The following AHCYL2 variants were observed in gnomAD, a reference collection of about 807,000 sequenced individuals.
AHCYL2 encodes adenosylhomocysteinase like 2.
In AHCYL2, 28 loss-of-function variants were observed where a neutral mutation model predicts 81.4. The ratio of observed to expected loss-of-function variants is 0.34; its 90% CI spans 0.25 to 0.47. The LOEUF (loss-of-function observed/expected upper bound fraction) is 0.47, where lower values mean the gene tolerates loss of function less well. AHCYL2 is among the 20% of genes least tolerant of loss of function. The pLI is 1.00. For synonymous variants in AHCYL2, 272 were observed against 290.2 expected, an observed-to-expected ratio of 0.94 and a Z score of 0.64; for missense variants, 551 against 785.1, an observed-to-expected ratio of 0.70 and a Z score of 3.56.
chr7:129,353,650 T>A (rs536175822), intron 1 of AHCYL2, among the ~76,000 whole-genome samples: 2 of 148,596 alleles, frequency 1.3e-5, no homozygotes, highest in Admixed American at 1.4e-4. Context: ...AGGAATATCA[T>A]ACAGTGACGC....
chr7:129,380,114 C>G lies in AHCYL2; in HGVS notation c.475+365C>G, dbSNP rs931868141. On this transcript the variant is annotated intron_variant, in intron 2 of 16. Transcript: ENST00000325006. ...TGAAAATAAAAAAGAAATTCTTCAT[C>G]CCTCCATCTGGTACTTGCAAATTAA... 2.0e-5 allele frequency among the ~76,000 whole-genome samples: 3 copies of G among 151,212 alleles called. No individual in the cohort carries two copies. In the East Asian group the frequency reaches 5.8e-4, roughly 29 times the overall value.
chr7:129,361,816 G>A (rs548107676), intron 1 of AHCYL2, among the ~76,000 whole-genome samples: 64 of 151,790 alleles, frequency 4.2e-4, no homozygotes, highest in African/African-American at 1.5e-3. Context: ...TAAGAGATGG[G>A]GTTTTGCTAT....
At chr7:129,237,634 C>T (rs184555789) in intron 1 of AHCYL2, among the ~76,000 whole-genome samples, 5 of 151,988 alleles carry the variant, frequency 3.3e-5, no homozygotes, top group South Asian at 4.2e-4. Context: ...GATACATGTC[C>T]TATGCAGTGG....
At chr7:129,367,212 C>T (rs1245038981) in intron 1 of AHCYL2, among the ~76,000 whole-genome samples, 2 of 152,106 alleles carry the variant, frequency 1.3e-5, no homozygotes, top group African/African-American at 4.8e-5. Flanking sequence ...TTCACAGAGC[C>T]TATAATCATA....
rs779322218 is a variant in AHCYL2, at chr7:129,405,180, A to G, written c.1109A>G (p.Asn370Ser). Residue 370 changes from asparagine (N) to serine (S), a missense_variant, in exon 8 of 17, where the codon AAC (asparagine) becomes AGC (serine). Physicochemically the swap from Asn to Ser is conservative, Grantham distance 46. Around this residue, in one of 2 missense-constraint regions of AHCYL2, gnomAD observed 316 missense variants for 543.1 expected, o/e 0.58. Coordinates refer to ENST00000325006, the MANE Select transcript of AHCYL2 (RefSeq NM_015328.4). Reference sequence around the variant, plus strand: ...TCAGTCACCAAACAGAAATTTGACAACCTCTACTGTTGCCGTGAATCAATT... The same window carrying G: ...TCAGTCACCAAACAGAAATTTGACAGCCTCTACTGTTGCCGTGAATCAATT... ...NDSVTKQKFD[N>S]LYCCRESILD... The G allele has an allele frequency of 1.2e-6, 2 of 1,609,010 alleles. No individual in the cohort carries two copies. The highest frequency in any genetic ancestry group is 1.7e-6 in the Non-Finnish European group (2 of 1,177,876).
chr7:129,392,962 C>T (rs1414337152), intron 4 of AHCYL2, among the ~76,000 whole-genome samples: 2 of 152,190 alleles, frequency 1.3e-5, no homozygotes, highest in Non-Finnish European at 2.9e-5. Flanking sequence ...GAGATTCAGG[C>T]TATACATCTA....
At chr7:129,281,040 T>C (rs1001058838) in intron 1 of AHCYL2, among the ~76,000 whole-genome samples, 1 of 151,946 alleles carries the variant, frequency 6.6e-6, no homozygotes, top group African/African-American at 2.4e-5. Context: ...ATTTTTTGTA[T>C]TTTTAGTAGA....
intron 1 of AHCYL2, among the ~76,000 whole-genome samples, chr7:129,238,428 GCTT>G (rs1030326830): frequency 6.6e-6 from 1 of 152,186 alleles, no homozygotes; most frequent in African/African-American, 2.4e-5. Context: ...TACATTGTGA[GCTT>G]CTTTTTTGCA....
intron 1 of AHCYL2, among the ~76,000 whole-genome samples, chr7:129,324,325 G>C (rs1303343389): frequency 6.6e-6 from 1 of 152,118 alleles, no homozygotes; most frequent in Non-Finnish European, 1.5e-5. Context: ...GACAATCTCT[G>C]CCTTTTAATT....
chr7:129,355,682 G>T (rs1035316065), intron 1 of AHCYL2, among the ~76,000 whole-genome samples: 1 of 152,158 alleles, frequency 6.6e-6, no homozygotes, highest in Non-Finnish European at 1.5e-5. Flanking sequence ...GCTAGAGAAT[G>T]AGTTGTTATT....
chr7:129,255,708 C>T (rs776904145), intron 1 of AHCYL2, among the ~76,000 whole-genome samples: 4 of 152,080 alleles, frequency 2.6e-5, no homozygotes, highest in Non-Finnish European at 5.9e-5. Context: ...GAGGGCTTGG[C>T]GCGGTGGTCC....
chr7:129,333,623 GA>G (rs1463531372), intron 1 of AHCYL2, among the ~76,000 whole-genome samples: 2 of 152,164 alleles, frequency 1.3e-5, no homozygotes, highest in South Asian at 2.1e-4. Context: ...CAGATATGGG[GA>G]AAAAAAGTCA....
Position 129,325,409 on chromosome 7 carries a change from T to C in AHCYL2, c.364-54229T>C, listed in dbSNP as rs116376692. Among the ~76,000 whole-genome samples the C allele has an allele frequency of 5.1e-3, 781 of 152,334 alleles. 11 individuals are homozygous for C. Among genetic ancestry groups the C allele is most frequent in the African/African-American group, 0.018 (747 of 41,582 alleles). On this transcript the variant is annotated intron_variant, in intron 1 of 16. Transcript: ENST00000325006. Reference sequence around the variant, plus strand: ...CTGTTGTTAACCATACTTTTTTTCATTTGCACATAATGTGGGGTTTTTTCC... The same window carrying C: ...CTGTTGTTAACCATACTTTTTTTCACTTGCACATAATGTGGGGTTTTTTCC...
chr7:129,426,474 C>T lies in AHCYL2; in HGVS notation c.1740C>T (p.Thr580=), dbSNP rs977347156. Residue 580 remains threonine, a synonymous_variant, in exon 16 of 17, where the codon ACC becomes ACT. Transcript: ENST00000325006. The surrounding 1 kb of genome is among the most constrained non-coding windows in gnomAD (Gnocchi z 4.3). ...DEYVASLHLP[T]FDAHLTELTD... ...ATGTGGCCAGCCTACACCTGCCTAC[C>T]TTTGATGCCCACTTGACAGAGCTGA... 1 of 1,614,122 alleles carries T rather than the reference C, an allele frequency of 6.2e-7. No homozygotes were observed. Among genetic ancestry groups the T allele is most frequent in the Admixed American group, 1.7e-5 (1 of 60,014 alleles).
intron 1 of AHCYL2, among the ~76,000 whole-genome samples, chr7:129,269,085 T>C (rs1477113391): frequency 6.6e-6 from 1 of 151,876 alleles, no homozygotes; most frequent in Non-Finnish European, 1.5e-5. Flanking sequence ...CCTTTTGGCT[T>C]TCAAAGTTTC....
At chr7:129,304,846 T>C (rs1256098186) in intron 1 of AHCYL2, among the ~76,000 whole-genome samples, 1 of 152,120 alleles carries the variant, frequency 6.6e-6, no homozygotes, top group Non-Finnish European at 1.5e-5. Flanking sequence ...AGCCACTCTA[T>C]GTCTTTTGAT....
Position 129,227,608 on chromosome 7 carries a change from CAAA to C in AHCYL2, c.363+2191_363+2193del, listed in dbSNP as rs57256611. ...TGGGTGCTGGAGTGAGACCTTGTCTCAAAAAAAAAAAAAAAAAAAAAAAAGTTA... is the reference window on the plus strand; with the variant it reads ...TGGGTGCTGGAGTGAGACCTTGTCTCAAAAAAAAAAAAAAAAAAAAAGTTA... On this transcript the variant is annotated intron_variant, in intron 1 of 16. Transcript: ENST00000325006. Among the ~76,000 whole-genome samples, 106 of 80,754 alleles carry C rather than the reference CAAA, an allele frequency of 1.3e-3. 1 individual carries two copies. The highest frequency in any genetic ancestry group is 9.1e-3 in the East Asian group (26 of 2,862). The allele number at this position is 80,754 out of a possible 152,430, so 53.0% of individuals were successfully genotyped here.
chr7:129,279,401 G>A (rs1035292632), intron 1 of AHCYL2, among the ~76,000 whole-genome samples: 3 of 151,998 alleles, frequency 2.0e-5, no homozygotes, highest in East Asian at 1.9e-4. Context: ...CCCCCACCCC[G>A]GCTTCCTGGC....
At chr7:129,345,128 C>T (rs1793316878) in intron 1 of AHCYL2, among the ~76,000 whole-genome samples, 2 of 152,124 alleles carry the variant, frequency 1.3e-5, no homozygotes, top group Admixed American at 6.6e-5. Context: ...GCACTCCAGC[C>T]TGGGCCACAG....
Sources: gnomAD v4.1 joint callset for allele counts (sites outside exome capture counted in the v4.1 genomes callset) on GRCh38, gnomAD v4.1.1 for gene constraint, gnomAD v4.1.1 regional missense constraint, Gnocchi (gnomAD v3.1) non-coding constraint, MANE v1.5 for transcripts, NCBI Gene and HGNC (gene_info 2026-07-23, HGNC 2026-07-21) for gene names.